The following MAML3 variants were observed in gnomAD, a reference collection of about 807,000 sequenced individuals.
MAML3 encodes the protein mastermind like transcriptional coactivator 3.
In MAML3, 27 loss-of-function variants were observed where a neutral mutation model predicts 101.9. That is an observed-to-expected ratio of 0.27 (90% CI 0.20 to 0.37). The LOEUF (loss-of-function observed/expected upper bound fraction) is 0.37, where lower values mean the gene tolerates loss of function less well. MAML3 is among the 10% of genes least tolerant of loss of function. The pLI, the probability that MAML3 is intolerant of heterozygous loss-of-function variation, is 1.00. For missense variants in MAML3, 1,316 were observed against 1,444.9 expected (o/e 0.91, Z 1.45); for synonymous variants, 501 against 555.9 (o/e 0.90, Z 1.39).
intron 2 of MAML3, among the ~76,000 whole-genome samples, chr4:139,769,371 C>T (rs536659208): frequency 2.0e-5 from 3 of 152,310 alleles, no homozygotes; most frequent in Admixed American, 6.5e-5. Context: ...AGACACGCTG[C>T]TTTGATTAGG....
intron 1 of MAML3, among the ~76,000 whole-genome samples, chr4:139,906,260 T>C (rs572814454): frequency 6.6e-6 from 1 of 152,278 alleles, no homozygotes; most frequent in Non-Finnish European, 1.5e-5. Flanking sequence ...GCCCAGCATG[T>C]ATATATTTTC....
Position 139,902,261 on chromosome 4 carries a change from A to ACGCG in MAML3, c.469-11295_469-11294insCGCG, listed in dbSNP as rs146598943. Among the ~76,000 whole-genome samples, 657 of 70,718 alleles carry ACGCG rather than the reference A, an allele frequency of 9.3e-3. 4 individuals are homozygous for ACGCG. The highest frequency in any genetic ancestry group is 0.028 in the Middle Eastern group (4 of 142). 46.4% of individuals were successfully genotyped at this position (70,718 alleles called of 152,430 possible). ...CAGGCGCGCACGCACACGCACACACACGCACACACACACGCACACACACAC... is the reference window on the plus strand; with the variant it reads ...CAGGCGCGCACGCACACGCACACACACGCGCGCACACACACACGCACACACACAC... On this transcript the variant is annotated intron_variant, in intron 1 of 4. Transcript: ENST00000509479.
chr4:140,064,000 A>C (rs1354856381), intron 1 of MAML3, among the ~76,000 whole-genome samples: 1 of 152,202 alleles, frequency 6.6e-6, no homozygotes, highest in Non-Finnish European at 1.5e-5. Context: ...GCATCAAGAC[A>C]CACCCTGTAT....
intron 2 of MAML3, among the ~76,000 whole-genome samples, chr4:139,823,786 C>T (rs1438020218): frequency 1.3e-5 from 2 of 150,750 alleles, no homozygotes; most frequent in Non-Finnish European, 2.9e-5. Context: ...TCTTTTTTAT[C>T]CGCTCACAGA....
At chr4:139,764,063 T>C (rs1000496446) in intron 2 of MAML3, among the ~76,000 whole-genome samples, 6 of 152,218 alleles carry the variant, frequency 3.9e-5, no homozygotes, top group African/African-American at 1.4e-4. Flanking sequence ...TTCCTCATTT[T>C]GCCACTTTTC....
intron 1 of MAML3, among the ~76,000 whole-genome samples, chr4:140,125,726 A>G (rs1175213584): frequency 6.6e-6 from 1 of 151,832 alleles, no homozygotes; most frequent in Admixed American, 6.6e-5. Flanking sequence ...CCAAAGTGCT[A>G]GAATTACAGG....
At chr4:140,149,829 T>G (rs1207097349) in intron 1 of MAML3, among the ~76,000 whole-genome samples, 1 of 152,210 alleles carries the variant, frequency 6.6e-6, no homozygotes, top group Non-Finnish European at 1.5e-5. Context: ...ACAACCTCTA[T>G]TTTTGAGATT....
At chr4:139,908,114 T>C (rs1037209236) in intron 1 of MAML3, among the ~76,000 whole-genome samples, 17 of 152,226 alleles carry the variant, frequency 1.1e-4, no homozygotes, top group African/African-American at 4.1e-4. Context: ...ATTTTTGCCC[T>C]GGACAAAATC....
At chr4:140,026,619 G>C (rs1726829366) in intron 1 of MAML3, among the ~76,000 whole-genome samples, 1 of 152,122 alleles carries the variant, frequency 6.6e-6, no homozygotes, top group South Asian at 2.1e-4. Flanking sequence ...AAATTAGTTG[G>C]TTGGACTCAA....
At chr4:140,041,778 T>C (rs886107575) in intron 1 of MAML3, among the ~76,000 whole-genome samples, 4 of 152,124 alleles carry the variant, frequency 2.6e-5, no homozygotes, top group Non-Finnish European at 4.4e-5. Context: ...GGGGAAAATA[T>C]TTTTTTAAGT....
At chr4:139,754,012 A>G (rs1335007719) in intron 2 of MAML3, among the ~76,000 whole-genome samples, 1 of 152,266 alleles carries the variant, frequency 6.6e-6, no homozygotes, top group African/African-American at 2.4e-5. Flanking sequence ...AAGAATTAAT[A>G]CTACCTACTA....
chr4:140,135,277 C>T (rs533226868), intron 1 of MAML3, among the ~76,000 whole-genome samples: 1 of 152,346 alleles, frequency 6.6e-6, no homozygotes, highest in African/African-American at 2.4e-5. Flanking sequence ...GCAACCCTGG[C>T]TCTAGACACT....
At chr4:140,000,304 AT>A (rs1261095248) in intron 1 of MAML3, among the ~76,000 whole-genome samples, 1 of 152,038 alleles carries the variant, frequency 6.6e-6, no homozygotes, top group Non-Finnish European at 1.5e-5. Context: ...GCAGTAGAAG[AT>A]CCATAACCTC....
chr4:140,044,977 A>G (rs1324015407), intron 1 of MAML3, among the ~76,000 whole-genome samples: 1 of 152,198 alleles, frequency 6.6e-6, no homozygotes, highest in Admixed American at 6.5e-5. Context: ...CTTAACAAAA[A>G]GAAAGAAAAA....
At chr4:140,151,376 G>A (rs531323933) in intron 1 of MAML3, among the ~76,000 whole-genome samples, 2 of 152,012 alleles carry the variant, frequency 1.3e-5, no homozygotes, top group South Asian at 2.1e-4. Context: ...TCCTCTTCAC[G>A]TGCGGGGTGG....
At chr4:140,065,349 T>C (rs1203305666) in intron 1 of MAML3, among the ~76,000 whole-genome samples, 3 of 152,158 alleles carry the variant, frequency 2.0e-5, no homozygotes, top group Non-Finnish European at 2.9e-5. Flanking sequence ...GTATTTATTT[T>C]ATAGAAGCGG....
intron 2 of MAML3, among the ~76,000 whole-genome samples, chr4:139,853,674 C>T (rs1731601213): frequency 6.6e-6 from 1 of 151,928 alleles, no homozygotes; most frequent in Non-Finnish European, 1.5e-5. Flanking sequence ...TTAGGCACTG[C>T]AGTCAGAAAA....
chr4:140,056,657 A>T (rs1055526919), intron 1 of MAML3, among the ~76,000 whole-genome samples: 3 of 151,854 alleles, frequency 2.0e-5, no homozygotes, highest in African/African-American at 7.3e-5. Flanking sequence ...AAAATACCAA[A>T]AAATTAGCCA....
At chr4:140,003,342 T>C (rs910491125) in intron 1 of MAML3, among the ~76,000 whole-genome samples, 1 of 152,098 alleles carries the variant, frequency 6.6e-6, no homozygotes, top group African/African-American at 2.4e-5. Context: ...GTTCCAGATA[T>C]ACTGGGAGAA....
Sources: gnomAD v4.1 joint callset for allele counts (sites outside exome capture counted in the v4.1 genomes callset) on GRCh38, gnomAD v4.1.1 for gene constraint, MANE v1.5 for transcripts, NCBI Gene and HGNC (gene_info 2026-07-23, HGNC 2026-07-21) for gene names.